PKP4: variants seen among roughly 807,000 people sequenced by gnomAD.
PKP4 encodes plakophilin-4.
In PKP4, 90 loss-of-function variants were observed where a neutral mutation model predicts 145.1. The ratio of observed to expected loss-of-function variants is 0.62; its 90% confidence interval spans 0.52 to 0.74. PKP4 has a LOEUF of 0.74. Ranked by LOEUF, PKP4 falls within the 30% of genes least tolerant of loss-of-function variation. The pLI is 0.00. For missense variants in PKP4, 1,340 were observed against 1,482.7 expected, an observed-to-expected ratio of 0.90 and a Z score of 1.58; for synonymous variants, 563 against 577.2, an observed-to-expected ratio of 0.98 and a Z score of 0.35.
At chr2:158,518,166 G>T (rs556826251) in intron 1 of PKP4, among the ~76,000 whole-genome samples, 42 of 152,180 alleles carry the variant, frequency 2.8e-4, no homozygotes, top group Admixed American at 7.2e-4. Flanking sequence ...CTGGTGACTA[G>T]GTCAGGGCAA....
chr2:158,484,077 C>G (rs1399957792), intron 1 of PKP4, among the ~76,000 whole-genome samples: 1 of 147,136 alleles, frequency 6.8e-6, no homozygotes, highest in Non-Finnish European at 1.5e-5. Flanking sequence ...CTCTGTCGCC[C>G]AGGCCGGACT....
chr2:158,643,362 G>A (rs202159291), intron 11 of PKP4, among the ~76,000 whole-genome samples: 2 of 152,118 alleles, frequency 1.3e-5, no homozygotes, highest in South Asian at 2.1e-4. Flanking sequence ...TACAAGCTCC[G>A]AAACAGCATG....
In PKP4 at chr2:158,526,776, C is replaced by G. The variant is rs888539106; in HGVS notation, c.-5-6404C>G. 4.4e-4 allele frequency among the ~76,000 whole-genome samples: 33 copies of G among 75,758 alleles called. 5 individuals carry two copies. The highest frequency in any genetic ancestry group is 5.0e-3 in the Middle Eastern group (1 of 200). 49.7% of individuals were successfully genotyped at this position (75,758 alleles called of 152,430 possible). ...AAAATCTCCTTAAGCTGATAAGCAA[C>G]TTCAGCAAAGTCTCAGGATACAAAA... On this transcript the variant is annotated intron_variant, in intron 1 of 21. Coordinates refer to ENST00000389759, the MANE Select transcript of PKP4 (RefSeq NM_003628.6).
At chr2:158,493,859 C>G (rs191692866) in intron 1 of PKP4, among the ~76,000 whole-genome samples, 1 of 152,166 alleles carries the variant, frequency 6.6e-6, no homozygotes, top group East Asian at 1.9e-4. Flanking sequence ...CCCTCACTCT[C>G]CCCCTTTCCC....
intron 2 of PKP4, among the ~76,000 whole-genome samples, chr2:158,573,142 G>A (rs1322198592): frequency 1.3e-5 from 2 of 152,200 alleles, no homozygotes; most frequent in African/African-American, 2.4e-5. Context: ...AAGACATTAT[G>A]TGATAGCCGT....
At chr2:158,633,230 T>G (rs1189413718) in intron 8 of PKP4, among the ~76,000 whole-genome samples, 1 of 152,268 alleles carries the variant, frequency 6.6e-6, no homozygotes. Flanking sequence ...ATATACTATG[T>G]GTTTTCCTAT....
At chr2:158,603,835 G>T (rs1436999124) in intron 4 of PKP4, among the ~76,000 whole-genome samples, 1 of 152,206 alleles carries the variant, frequency 6.6e-6, no homozygotes, top group African/African-American at 2.4e-5. Flanking sequence ...AGGCATTGAT[G>T]TGTAAATACT....
intron 4 of PKP4, among the ~76,000 whole-genome samples, chr2:158,607,508 G>A (rs551844673): frequency 1.3e-5 from 2 of 152,248 alleles, no homozygotes; most frequent in East Asian, 3.9e-4. Flanking sequence ...ATCATCCCTA[G>A]GACTGCAGAG....
intron 3 of PKP4, among the ~76,000 whole-genome samples, chr2:158,588,680 A>G (rs2105812396): frequency 6.6e-6 from 1 of 152,314 alleles, no homozygotes; most frequent in South Asian, 2.1e-4. Flanking sequence ...TATGTGGAAG[A>G]AATAACTTTC....
At chr2:158,500,541 C>T (rs1369103949) in intron 1 of PKP4, among the ~76,000 whole-genome samples, 3 of 152,224 alleles carry the variant, frequency 2.0e-5, no homozygotes, top group African/African-American at 7.2e-5. Context: ...AGCAGCAATG[C>T]CTTGTAAAAA....
intron 4 of PKP4, among the ~76,000 whole-genome samples, chr2:158,610,076 T>A (rs1033100652): frequency 2.6e-5 from 4 of 152,252 alleles, no homozygotes; most frequent in Non-Finnish European, 5.9e-5. Context: ...CTCTTCATTA[T>A]TCTGTACCCT....
chr2:158,539,275 A>G (rs2044318431), intron 2 of PKP4, among the ~76,000 whole-genome samples: 1 of 152,202 alleles, frequency 6.6e-6, no homozygotes, highest in Admixed American at 6.5e-5. Context: ...TTTTACATAG[A>G]TATCTTAGCT....
At chr2:158,552,853 A>G (rs1042544752) in intron 2 of PKP4, among the ~76,000 whole-genome samples, 1 of 152,218 alleles carries the variant, frequency 6.6e-6, no homozygotes, top group African/African-American at 2.4e-5. Flanking sequence ...CTGTATTGCT[A>G]AAAATGCTAG....
chr2:158,570,132 G>A (rs1349410815), intron 2 of PKP4, among the ~76,000 whole-genome samples: 1 of 152,130 alleles, frequency 6.6e-6, no homozygotes, highest in Non-Finnish European at 1.5e-5. Flanking sequence ...GTGGTAGATG[G>A]TCAGGACATT....
At chr2:158,594,770 G>A (rs2049577518) in intron 3 of PKP4, among the ~76,000 whole-genome samples, 1 of 152,202 alleles carries the variant, frequency 6.6e-6, no homozygotes, top group Admixed American at 6.5e-5. Context: ...TAAATACTAA[G>A]GAGGATTGCT....
chr2:158,618,734 G>GC (rs2051895625), intron 4 of PKP4, among the ~76,000 whole-genome samples: 1 of 147,590 alleles, frequency 6.8e-6, no homozygotes, highest in Non-Finnish European at 1.5e-5. Context: ...CTCTTTTTCT[G>GC]TTTTTTTTTT....
At chr2:158,459,208 A>G (rs189682304) in intron 1 of PKP4, among the ~76,000 whole-genome samples, 2 of 152,352 alleles carry the variant, frequency 1.3e-5, no homozygotes, top group Admixed American at 6.5e-5. Flanking sequence ...GAAAATGGCA[A>G]CATGAAAACG....
chr2:158,652,630 TTA>T (rs1403285161), intron 11 of PKP4, among the ~76,000 whole-genome samples: 1 of 152,180 alleles, frequency 6.6e-6, no homozygotes, highest in African/African-American at 2.4e-5. Context: ...CCTGATATTA[TTA>T]TGTTTGTGCT....
intron 1 of PKP4, among the ~76,000 whole-genome samples, chr2:158,485,665 C>G (rs972754153): frequency 6.6e-6 from 1 of 152,090 alleles, no homozygotes; most frequent in Non-Finnish European, 1.5e-5. Flanking sequence ...CTTTTATAAA[C>G]AAAACATTTA....
Sources: gnomAD v4.1 joint callset for allele counts (sites outside exome capture counted in the v4.1 genomes callset) on GRCh38, gnomAD v4.1.1 for gene constraint, MANE v1.5 for transcripts, NCBI Gene and HGNC (gene_info 2026-07-23, HGNC 2026-07-21) for gene names.